Variants in EPM2A observed in about 807,000 individuals in gnomAD.
The protein encoded by EPM2A is EPM2A glucan phosphatase, laforin, also known as laforin.
EPM2A carries 21 observed loss-of-function variants against 26.5 expected under a neutral mutation model. The observed-to-expected ratio is 0.79, with a 90% confidence interval of 0.56 to 1.14. EPM2A has a LOEUF of 1.14. Among genes scored for constraint, EPM2A ranks in the 50% most tolerant of loss-of-function variants. The pLI is 0.00. For synonymous variants in EPM2A, 217 were observed against 177.6 expected (o/e 1.22, Z -1.76); for missense variants, 458 against 440.8 (o/e 1.04, Z -0.35).
At position 145,626,935 on chromosome 6, in the gene EPM2A, T is replaced by C; in HGVS notation, c.*481A>G. 9.9e-7 allele frequency: 1 copy of C among 1,011,500 alleles called. No individual in the cohort carries two copies. 62.7% of individuals were successfully genotyped at this position (1,011,500 alleles called of 1,614,324 possible). A position where few individuals can be genotyped will look rare whatever the true frequency, so the allele number is the denominator to read the frequency against. On this transcript the variant is annotated 3_prime_UTR_variant, in exon 4 of 4. Transcript: ENST00000367519. ...ACTTTTTGACCATAGTGAGCTCTTC[T>C]TTTGTAACGGTTCAGGCTTCTAACC...
intron 4 of EPM2A, among the ~76,000 whole-genome samples, chr6:145,457,056 G>A (rs1226191431): frequency 6.6e-6 from 1 of 152,150 alleles, no homozygotes; most frequent in Admixed American, 6.5e-5. Context: ...AGGTTTATGA[G>A]TTTAACATAT....
At chr6:145,731,581 C>T (rs1225568064) in intron 1 of EPM2A, among the ~76,000 whole-genome samples, 1 of 152,002 alleles carries the variant, frequency 6.6e-6, no homozygotes, top group Non-Finnish European at 1.5e-5. Flanking sequence ...ACATAGAGAA[C>T]ACATGGACAC....
At chr6:145,664,876 A>T (rs1216279309) in intron 2 of EPM2A, among the ~76,000 whole-genome samples, 1 of 151,406 alleles carries the variant, frequency 6.6e-6, no homozygotes, top group African/African-American at 2.4e-5. Flanking sequence ...AAGCCACTCA[A>T]CTACATGGAA....
intron 1 of EPM2A, among the ~76,000 whole-genome samples, chr6:145,704,926 T>C (rs1030629833): frequency 2.0e-5 from 3 of 152,098 alleles, no homozygotes; most frequent in African/African-American, 7.3e-5. Context: ...TAGAAAAACT[T>C]ATGCTTTAAG....
intron 2 of EPM2A, among the ~76,000 whole-genome samples, chr6:145,610,719 TC>T (rs1775374637): frequency 6.6e-6 from 1 of 152,234 alleles, no homozygotes; most frequent in Non-Finnish European, 1.5e-5. Flanking sequence ...GGGAACACTG[TC>T]TAATTTGTAA....
intron 2 of EPM2A, among the ~76,000 whole-genome samples, chr6:145,527,711 T>C (rs1780298133): frequency 1.3e-5 from 2 of 152,212 alleles, no homozygotes; most frequent in African/African-American, 2.4e-5. Flanking sequence ...GGATGGGTTT[T>C]GTTTTGTTTG....
intron 1 of EPM2A, among the ~76,000 whole-genome samples, chr6:145,698,822 T>C (rs1459048308): frequency 6.6e-6 from 1 of 151,988 alleles, no homozygotes; most frequent in Non-Finnish European, 1.5e-5. Context: ...CCTAATGCCA[T>C]TACACCCCAT....
At chr6:145,683,480 T>C (rs908829441) in intron 2 of EPM2A, among the ~76,000 whole-genome samples, 1 of 151,856 alleles carries the variant, frequency 6.6e-6, no homozygotes, top group African/African-American at 2.4e-5. Context: ...TACCTGAGAA[T>C]TCAGTAGGAT....
chr6:145,466,982 G>A (rs181345158), intron 4 of EPM2A, among the ~76,000 whole-genome samples: 73 of 152,184 alleles, frequency 4.8e-4, no homozygotes, highest in African/African-American at 1.6e-3. Context: ...ATCACACTCT[G>A]GGGACTCTTG....
chr6:145,697,597 G>GACCATAAA (rs1781677831), intron 1 of EPM2A, among the ~76,000 whole-genome samples: 1 of 152,084 alleles, frequency 6.6e-6, no homozygotes, highest in Non-Finnish European at 1.5e-5. Flanking sequence ...GACCATAAAA[G>GACCATAAA]ATGGCCGCCC....
chr6:145,654,882 C>T (rs575308868), intron 2 of EPM2A, among the ~76,000 whole-genome samples: 1 of 152,122 alleles, frequency 6.6e-6, no homozygotes, highest in South Asian at 2.1e-4. Flanking sequence ...TCTTACTTCA[C>T]TTGTATAAAG....
intron 2 of EPM2A, among the ~76,000 whole-genome samples, chr6:145,594,548 AT>A (rs1781316022): frequency 3.0e-5 from 4 of 133,776 alleles, no homozygotes; most frequent in African/African-American, 1.6e-4. Context: ...TTAAAAAAAT[AT>A]ATACAGTAAA....
chr6:145,582,159 A>C (rs1160058575), intron 2 of EPM2A, among the ~76,000 whole-genome samples: 1 of 151,622 alleles, frequency 6.6e-6, no homozygotes, highest in Non-Finnish European at 1.5e-5. Context: ...CATTAGATTC[A>C]AATTTTTTTT....
intron 1 of EPM2A, among the ~76,000 whole-genome samples, chr6:145,729,826 G>A (rs184370080): frequency 1.3e-5 from 2 of 152,302 alleles, no homozygotes; most frequent in Non-Finnish European, 2.9e-5. Flanking sequence ...GGAGGGGCTG[G>A]AAGTGGAATG....
At chr6:145,549,051 G>A (rs905996300) in intron 2 of EPM2A, among the ~76,000 whole-genome samples, 3 of 151,976 alleles carry the variant, frequency 2.0e-5, no homozygotes, top group Admixed American at 2.0e-4. Context: ...ATCTGTTTTG[G>A]CATCTGCCTA....
chr6:145,431,550 C>T (rs1366119006), intron 4 of EPM2A, among the ~76,000 whole-genome samples: 1 of 152,164 alleles, frequency 6.6e-6, no homozygotes, highest in Non-Finnish European at 1.5e-5. Context: ...TATGCAATAG[C>T]ATTATGTCTA....
At chr6:145,670,540 T>A (rs1562468741) in intron 2 of EPM2A, 1 of 152,090 alleles carries the variant, frequency 6.6e-6, no homozygotes, top group African/African-American at 2.4e-5. Flanking sequence ...AACAGCATGG[T>A]CTGCCAAAAC....
At chr6:145,645,307 G>GTGTTGT (rs201245338) in intron 2 of EPM2A, among the ~76,000 whole-genome samples, 1 of 152,014 alleles carries the variant, frequency 6.6e-6, no homozygotes, top group Admixed American at 6.6e-5. Flanking sequence ...ATTTTCAAAA[G>GTGTTGT]TGTTGTTGTT....
At position 145,451,951 on chromosome 6, in the gene EPM2A, C is replaced by T. The variant is rs369785070; in HGVS notation, c.555+50571G>A. ...TGGGAGCTTCTGCTCTAGAAAACCA[C>T]GGATAGAATGCTTCCTTTCAACTCC... is the stretch of plus-strand genomic sequence containing the variant. On this transcript the variant is annotated intron_variant, in intron 4 of 4. Coordinates refer to the EPM2A transcript ENST00000638717. Among the ~76,000 whole-genome samples, 6 of 152,278 alleles carry T rather than the reference C, an allele frequency of 3.9e-5. No individual in the cohort carries two copies. In the South Asian group the frequency reaches 6.2e-4, roughly 16 times the overall value.
Sources: allele counts gnomAD v4.1 joint callset (sites outside exome capture counted in the v4.1 genomes callset), GRCh38; gene constraint gnomAD v4.1.1; transcripts MANE v1.5; gene names NCBI Gene and HGNC (gene_info 2026-07-23, HGNC 2026-07-21).